The following ZC3H12B variants were observed in gnomAD, a reference collection of about 807,000 sequenced individuals.
The protein encoded by ZC3H12B is probable ribonuclease ZC3H12B.
ZC3H12B carries 7 observed loss-of-function variants against 43.9 expected under a neutral mutation model. That is an observed-to-expected ratio of 0.16 (90% CI 0.09 to 0.30). ZC3H12B has a LOEUF of 0.30. ZC3H12B is among the 10% of genes least tolerant of loss of function. The pLI is 1.00. For synonymous variants in ZC3H12B, 222 were observed against 241.7 expected, an observed-to-expected ratio of 0.92 and a Z score of 0.76; for missense variants, 475 against 670.2, an observed-to-expected ratio of 0.71 and a Z score of 3.22.
intron 2 of ZC3H12B, among the ~76,000 whole-genome samples, chrX:65,395,776 T>C (rs924027856): frequency 8.9e-6 from 1 of 112,054 alleles, no homozygotes; most frequent in Non-Finnish European, 1.9e-5. Context: ...AGCTCCTCTT[T>C]GTACCTCTGG....
chrX:65,196,507 C>G, the ZC3H12B span, among the ~76,000 whole-genome samples: 2 of 111,270 alleles, frequency 1.8e-5, no homozygotes, highest in Non-Finnish European at 3.8e-5. Context: ...TTAAGGCTAG[C>G]AGAGCATCAG....
At chrX:65,294,246 G>A in the ZC3H12B span, among the ~76,000 whole-genome samples, 8 of 111,145 alleles carry the variant, frequency 7.2e-5, no homozygotes, top group Non-Finnish European at 1.5e-4. Flanking sequence ...TTTTGTATTC[G>A]GCAAAACTAA....
At chrX:65,485,327 C>T (rs1163170680), upstream of ZC3H12B, among the ~76,000 whole-genome samples, 2 of 112,423 alleles carry the variant, frequency 1.8e-5, no homozygotes, top group African/African-American at 6.5e-5. Flanking sequence ...CCTCTTGGCT[C>T]ACTGCAACCT....
chrX:65,254,054 C>A, the ZC3H12B span, among the ~76,000 whole-genome samples: 1 of 111,802 alleles, frequency 8.9e-6, no homozygotes, highest in African/African-American at 3.3e-5. Context: ...AGGAGACCAG[C>A]GGCCCCAGCT....
chrX:65,214,974 T>C, the ZC3H12B span, among the ~76,000 whole-genome samples: 1 of 111,801 alleles, frequency 8.9e-6, no homozygotes, highest in Non-Finnish European at 1.9e-5. Flanking sequence ...ATCAGAGTTA[T>C]TGAGTGTCTA....
Position 65,419,789 on chromosome X carries a change from A to G in ZC3H12B, n.407+21085A>G, listed in dbSNP as rs1251474959. 2.7e-5 allele frequency among the ~76,000 whole-genome samples: 3 copies of G among 110,778 alleles called. No homozygotes were observed. In the Admixed American group the frequency reaches 2.9e-4, roughly 11 times the overall value. ...CTTCCAGGATAGCCTCCATAGATCC[A>G]AGCACCAGGCCCGCACTCATGGGCC... On this transcript the variant is annotated intron_variant and non_coding_transcript_variant, in intron 3 of 5. Transcript: ENST00000617377.
the ZC3H12B span, among the ~76,000 whole-genome samples, chrX:65,148,619 G>A: frequency 9.0e-6 from 1 of 111,288 alleles, no homozygotes; most frequent in Non-Finnish European, 1.9e-5. Context: ...GCGAAGTCTA[G>A]TGCTCCTTTC....
At chrX:65,072,406 G>C in the ZC3H12B span, among the ~76,000 whole-genome samples, 1 of 112,362 alleles carries the variant, frequency 8.9e-6, no homozygotes, top group Non-Finnish European at 1.9e-5. Flanking sequence ...ATCTCAGCCT[G>C]GTTCAGAACC....
At chrX:65,452,241 G>C (rs906568765) in intron 3 of ZC3H12B, among the ~76,000 whole-genome samples, 1 of 111,185 alleles carries the variant, frequency 9.0e-6, no homozygotes, top group African/African-American at 3.3e-5. Context: ...GAAGTCAAAC[G>C]ATCACTGTTT....
chrX:65,230,609 G>A, the ZC3H12B span, among the ~76,000 whole-genome samples: 2,936 of 85,843 alleles, frequency 0.034, 57 homozygotes, highest in Non-Finnish European at 0.054. Flanking sequence ...TTCCCCCAGC[G>A]CCAAAAAAAA....
At chrX:65,388,686 G>C (rs2066566861) in intron 2 of ZC3H12B, among the ~76,000 whole-genome samples, 1 of 112,001 alleles carries the variant, frequency 8.9e-6, no homozygotes, top group East Asian at 2.8e-4. Flanking sequence ...TGCTGGTGAG[G>C]AGCTGCATTC....
chrX:65,328,873 G>T, the ZC3H12B span, among the ~76,000 whole-genome samples: 1 of 108,899 alleles, frequency 9.2e-6, no homozygotes, highest in Non-Finnish European at 1.9e-5. Context: ...ACAAAGGACA[G>T]GATTTCATCA....
At chrX:65,199,253 T>C in the ZC3H12B span, among the ~76,000 whole-genome samples, 1 of 108,047 alleles carries the variant, frequency 9.3e-6, no homozygotes, top group Admixed American at 1.0e-4. Context: ...TTCTGCTTGA[T>C]CAGTTCTGCT....
At chrX:65,132,188 G>A in the ZC3H12B span, among the ~76,000 whole-genome samples, 1 of 111,654 alleles carries the variant, frequency 9.0e-6, no homozygotes, top group African/African-American at 3.3e-5. Flanking sequence ...ACAAAAGAGT[G>A]TACGGGTTGG....
At chrX:65,202,368 CCTT>C in the ZC3H12B span, among the ~76,000 whole-genome samples, 3 of 106,991 alleles carry the variant, frequency 2.8e-5, no homozygotes, top group South Asian at 1.2e-3. Flanking sequence ...TTGTACCTGT[CCTT>C]CTTGGGAAGG....
At chrX:65,040,168 G>A in the ZC3H12B span, among the ~76,000 whole-genome samples, 1 of 111,317 alleles carries the variant, frequency 9.0e-6, no homozygotes, top group Non-Finnish European at 1.9e-5. Flanking sequence ...ATATGGGGGT[G>A]TGACATAAGT....
the ZC3H12B span, among the ~76,000 whole-genome samples, chrX:65,083,516 C>A: frequency 9.0e-6 from 1 of 111,554 alleles, no homozygotes; most frequent in Non-Finnish European, 1.9e-5. Flanking sequence ...ACAATAGCCA[C>A]ACATAAAATT....
At chrX:65,445,202 G>C (rs1213525313) in intron 3 of ZC3H12B, among the ~76,000 whole-genome samples, 1 of 112,244 alleles carries the variant, frequency 8.9e-6, no homozygotes, top group Non-Finnish European at 1.9e-5. Flanking sequence ...CTCTGAAATT[G>C]GTTGCTGGTG....
chrX:65,352,476 A>G, the ZC3H12B span, among the ~76,000 whole-genome samples: 15,562 of 110,749 alleles, frequency 0.14, 2,586 homozygotes, highest in African/African-American at 0.48. Flanking sequence ...TTAAAAAAAA[A>G]AAAAGAAAAA....
Sources: gnomAD v4.1 joint callset for allele counts (sites outside exome capture counted in the v4.1 genomes callset) on GRCh38, gnomAD v4.1.1 for gene constraint, MANE v1.5 for transcripts, NCBI Gene and HGNC (gene_info 2026-07-23, HGNC 2026-07-21) for gene names.